DDX10: variants seen among roughly 807,000 people sequenced by gnomAD.
DDX10 encodes the protein DEAD-box helicase 10.
DDX10 carries 74 observed loss-of-function variants against 104.3 expected under a neutral mutation model. The ratio of observed to expected loss-of-function variants is 0.71; its 90% confidence interval spans 0.59 to 0.86. The LOEUF (loss-of-function observed/expected upper bound fraction) is 0.86, where lower values mean the gene tolerates loss of function less well. Among genes scored for constraint, DDX10 ranks in the 40% least tolerant of loss-of-function variants. The pLI, the probability that DDX10 is intolerant of heterozygous loss-of-function variation, is 0.00. For missense variants in DDX10, 952 were observed against 1,040.0 expected (o/e 0.92, Z 1.16); for synonymous variants, 351 against 353.4 (o/e 0.99, Z 0.08).
At chr11:108,743,831 A>G (rs1295045905) in intron 13 of DDX10, among the ~76,000 whole-genome samples, 4 of 152,164 alleles carry the variant, frequency 2.6e-5, no homozygotes, top group Non-Finnish European at 5.9e-5. Flanking sequence ...TGCCAGCGCA[A>G]GTGCTCCTAA....
intron 16 of DDX10, among the ~76,000 whole-genome samples, chr11:108,858,687 G>A (rs548683116): frequency 5.3e-5 from 8 of 152,288 alleles, no homozygotes; most frequent in South Asian, 4.1e-4. Flanking sequence ...AATCCTTCAC[G>A]CATGCCTTAT....
chr11:108,772,232 A>G (rs1444434962), intron 13 of DDX10, among the ~76,000 whole-genome samples: 1 of 152,238 alleles, frequency 6.6e-6, no homozygotes, highest in Non-Finnish European at 1.5e-5. Context: ...CCTAATTATC[A>G]CAACCTACGA....
At chr11:108,786,345 T>G (rs1372496967) in intron 13 of DDX10, among the ~76,000 whole-genome samples, 1 of 151,474 alleles carries the variant, frequency 6.6e-6, no homozygotes, top group Non-Finnish European at 1.5e-5. Flanking sequence ...AGGTGGAGTA[T>G]TCTGTAGATG....
intron 16 of DDX10, among the ~76,000 whole-genome samples, chr11:108,855,515 A>G (rs1730928111): frequency 6.6e-6 from 1 of 152,184 alleles, no homozygotes; most frequent in Admixed American, 6.5e-5. Context: ...GCTGGAGTGC[A>G]GTGACGCGAT....
chr11:108,873,953 CAA>C (rs1273181527), intron 16 of DDX10, among the ~76,000 whole-genome samples: 1 of 152,134 alleles, frequency 6.6e-6, no homozygotes, highest in African/African-American at 2.4e-5. Context: ...CAAATAATTG[CAA>C]AGAGTCTATT....
At position 108,723,324 on chromosome 11, in the gene DDX10, C is replaced by T; in HGVS notation, c.1827C>T (p.Asn609=). ...AKGSQAPSLP[N]TSEAQKIKEV... The stretch of plus-strand genomic sequence containing the variant: ...GATCTCAAGCCCCATCTCTTCCTAA[C>T]ACCAGTGAGGCACAGAAGATCAAGG... Residue 609 remains asparagine (N), a synonymous_variant, in exon 13 of 18, where the codon AAC becomes AAT. Transcript: ENST00000322536. 2 of 1,613,966 alleles carry T rather than the reference C, an allele frequency of 1.2e-6. No homozygotes were observed. The highest frequency in any genetic ancestry group is 2.2e-5 in the East Asian group (1 of 44,848).
At chr11:108,797,605 A>G (rs1328212734) in intron 13 of DDX10, among the ~76,000 whole-genome samples, 6 of 152,226 alleles carry the variant, frequency 3.9e-5, no homozygotes, top group African/African-American at 1.4e-4. Flanking sequence ...CCAGAGTTAT[A>G]ATTTCATTTA....
Position 108,712,981 on chromosome 11 carries a change from A to G in DDX10, c.1323-2898A>G, listed in dbSNP as rs185679812. Among the ~76,000 whole-genome samples, 6 of 152,142 alleles carry G rather than the reference A, an allele frequency of 3.9e-5. No individual in the cohort carries two copies. In the East Asian group the frequency reaches 9.6e-4, roughly 24 times the overall value. ...GTTTTTCTCTCTCCACACTTTAAAT[A>G]TTTCATTTCACTCTCTCCTTGCTTG... On this transcript the variant is annotated intron_variant, in intron 10 of 17. Transcript: ENST00000322536.
chr11:108,668,694 C>T (rs895905218), intron 1 of DDX10, among the ~76,000 whole-genome samples: 1 of 152,070 alleles, frequency 6.6e-6, no homozygotes, highest in Admixed American at 6.6e-5. Flanking sequence ...TTGACAGGCA[C>T]TTGTCTAGGC....
intron 13 of DDX10, among the ~76,000 whole-genome samples, chr11:108,777,630 C>G (rs1455290048): frequency 6.6e-6 from 1 of 152,150 alleles, no homozygotes; most frequent in South Asian, 2.1e-4. Flanking sequence ...GCCAAGGGTT[C>G]CTTTTTCACT....
chr11:108,756,310 T>G (rs1166032673), intron 13 of DDX10, among the ~76,000 whole-genome samples: 1 of 152,084 alleles, frequency 6.6e-6, no homozygotes, highest in Non-Finnish European at 1.5e-5. Flanking sequence ...AATTTACTAG[T>G]GCTGTGAGAC....
intron 13 of DDX10, among the ~76,000 whole-genome samples, chr11:108,784,328 G>T (rs1226308000): frequency 6.6e-5 from 10 of 151,840 alleles, no homozygotes; most frequent in Admixed American, 3.9e-4. Flanking sequence ...GACTTTTTTA[G>T]TAACCTCCAT....
At chr11:108,756,867 G>A (rs1157593832) in intron 13 of DDX10, among the ~76,000 whole-genome samples, 1 of 152,046 alleles carries the variant, frequency 6.6e-6, no homozygotes, top group Non-Finnish European at 1.5e-5. Context: ...ATCGAGTCAT[G>A]TCTTGTTATC....
intron 13 of DDX10, among the ~76,000 whole-genome samples, chr11:108,735,416 T>C (rs960783122): frequency 5.9e-5 from 9 of 152,096 alleles, no homozygotes; most frequent in Admixed American, 2.6e-4. Context: ...AGGGGCAAGA[T>C]GAAGCAGTGT....
At chr11:108,777,433 G>A (rs1214709679) in intron 13 of DDX10, among the ~76,000 whole-genome samples, 4 of 151,956 alleles carry the variant, frequency 2.6e-5, no homozygotes, top group African/African-American at 7.3e-5. Flanking sequence ...GGATTCAAGC[G>A]AATCCCAGCT....
chr11:108,677,420 A>G (rs974082604), intron 4 of DDX10, among the ~76,000 whole-genome samples, 177 bp downstream of exon 4: 1 of 152,032 alleles, frequency 6.6e-6, no homozygotes, highest in Non-Finnish European at 1.5e-5. Context: ...CCAATTTTGC[A>G]GGCCCAGAAA....
At chr11:108,852,877 A>G (rs561688564) in intron 16 of DDX10, among the ~76,000 whole-genome samples, 2 of 152,194 alleles carry the variant, frequency 1.3e-5, no homozygotes, top group South Asian at 4.1e-4. Context: ...AACATATGTC[A>G]TTTCTCATGC....
chr11:108,770,381 TATTC>T lies in DDX10; in HGVS notation c.1965+46924_1965+46927del, dbSNP rs567976960. Among the ~76,000 whole-genome samples, 381 of 152,250 alleles carry T rather than the reference TATTC, an allele frequency of 2.5e-3. 1 individual carries two copies. Among genetic ancestry groups the T allele is most frequent in the African/African-American group, 8.8e-3 (365 of 41,528 alleles). On this transcript the variant is annotated intron_variant, in intron 13 of 17. Transcript: ENST00000322536. ...TATTATGCTATCAAATAGTAGGTCTTATTCATTCTTTCTAACCACTTTTTTTTTG... is the reference window on the plus strand; with the variant it reads ...TATTATGCTATCAAATAGTAGGTCTTATTCTTTCTAACCACTTTTTTTTTG...
intron 13 of DDX10, among the ~76,000 whole-genome samples, chr11:108,833,641 A>G (rs959616770): frequency 6.6e-5 from 10 of 152,228 alleles, no homozygotes; most frequent in Non-Finnish European, 1.3e-4. Flanking sequence ...ATAAACCATA[A>G]AAGGCAGAGA....
Sources: gnomAD v4.1 joint callset for allele counts (sites outside exome capture counted in the v4.1 genomes callset) on GRCh38, gnomAD v4.1.1 for gene constraint, MANE v1.5 for transcripts, NCBI Gene and HGNC (gene_info 2026-07-23, HGNC 2026-07-21) for gene names.